LCLAT1: variants seen among roughly 807,000 people sequenced by gnomAD.
The protein encoded by LCLAT1 is 1-AGP acyltransferase 8.
LCLAT1 carries 11 observed loss-of-function variants against 30.7 expected under a neutral mutation model. The ratio of observed to expected loss-of-function variants is 0.36; its 90% CI spans 0.23 to 0.59. The LOEUF is 0.59. Ranked by LOEUF, LCLAT1 falls within the 20% of genes least tolerant of loss-of-function variation. LCLAT1 has a pLI of 0.77. For missense variants in LCLAT1, 402 were observed against 458.6 expected, an observed-to-expected ratio of 0.88 and a Z score of 1.13; for synonymous variants, 155 against 151.3, an observed-to-expected ratio of 1.02 and a Z score of -0.18.
chr2:30,484,690 T>G (rs1309012037), intron 1 of LCLAT1, among the ~76,000 whole-genome samples: 1 of 152,168 alleles, frequency 6.6e-6, no homozygotes. Context: ...CCATCAAATT[T>G]TAATATGACT....
chr2:30,529,333 TAGATG>T (rs1488392829), intron 2 of LCLAT1, among the ~76,000 whole-genome samples: 1 of 152,224 alleles, frequency 6.6e-6, no homozygotes, highest in Admixed American at 6.5e-5. Context: ...TTTAGAATCT[TAGATG>T]AGACTTAGAG....
chr2:30,481,430 A>G (rs889105604), intron 1 of LCLAT1, among the ~76,000 whole-genome samples: 1 of 151,874 alleles, frequency 6.6e-6, no homozygotes, highest in Non-Finnish European at 1.5e-5. Flanking sequence ...TGGCTGAGTG[A>G]TAGGAAGCCT....
chr2:30,476,465 G>A (rs185097535), intron 1 of LCLAT1: 227 of 456,604 alleles, frequency 5.0e-4, no homozygotes, highest in African/African-American at 3.6e-3. Flanking sequence ...CACTGCATTC[G>A]ATTCTTACAG....
At chr2:30,506,518 G>A (rs12986509) in intron 1 of LCLAT1, among the ~76,000 whole-genome samples, 3 of 152,048 alleles carry the variant, frequency 2.0e-5, no homozygotes, top group East Asian at 1.9e-4. Context: ...TAAAAGACAC[G>A]TGATAATGCT....
chr2:30,558,660 C>G (rs1233842787), intron 3 of LCLAT1, among the ~76,000 whole-genome samples: 1 of 146,986 alleles, frequency 6.8e-6, no homozygotes, highest in Non-Finnish European at 1.5e-5. Context: ...ATCACAACTA[C>G]TACACATGAA....
chr2:30,598,264 C>G (rs1319373083), intron 5 of LCLAT1, among the ~76,000 whole-genome samples: 2 of 152,208 alleles, frequency 1.3e-5, no homozygotes, highest in South Asian at 2.1e-4. Flanking sequence ...GTAAATCTGT[C>G]TGGTCCTGGG....
intron 5 of LCLAT1, among the ~76,000 whole-genome samples, chr2:30,577,013 T>G (rs1291323302): frequency 6.6e-6 from 1 of 151,574 alleles, no homozygotes; most frequent in African/African-American, 2.4e-5. Context: ...TTATTAATGT[T>G]GAAAATTATT....
At chr2:30,639,744 C>G (rs1181902227) in intron 5 of LCLAT1, among the ~76,000 whole-genome samples, 3 of 152,112 alleles carry the variant, frequency 2.0e-5, no homozygotes, top group African/African-American at 4.8e-5. Flanking sequence ...GGAGAGATGG[C>G]TATATTAATA....
chr2:30,530,122 A>G (rs933110157), intron 2 of LCLAT1, among the ~76,000 whole-genome samples: 1 of 152,238 alleles, frequency 6.6e-6, no homozygotes, highest in African/African-American at 2.4e-5. Flanking sequence ...GAAATCTTTG[A>G]CCAATTAGGT....
At chr2:30,526,108 T>A (rs1382621111) in intron 2 of LCLAT1, among the ~76,000 whole-genome samples, 5 of 152,188 alleles carry the variant, frequency 3.3e-5, no homozygotes, top group African/African-American at 1.2e-4. Context: ...CTGCATGTAT[T>A]TTGCTGTGTT....
chr2:30,515,636 GTTCAC>G (rs752509057), intron 1 of LCLAT1, among the ~76,000 whole-genome samples: 7 of 152,168 alleles, frequency 4.6e-5, no homozygotes, highest in Non-Finnish European at 1.0e-4. Flanking sequence ...ATTATCTACA[GTTCAC>G]TTCTCTATCT....
chr2:30,575,441 A>G (rs770067713), intron 5 of LCLAT1, among the ~76,000 whole-genome samples: 1 of 152,134 alleles, frequency 6.6e-6, no homozygotes, highest in Non-Finnish European at 1.5e-5. Context: ...GCATACACAC[A>G]TATGCACATC....
rs1377251772 is a variant in LCLAT1, at chr2:30,640,361, A to G, written c.873A>G (p.Gly291=). Residue 291 remains glycine (G), a synonymous_variant, in exon 6 of 6, where the codon GGA becomes GGG. Coordinates refer to ENST00000379509, the MANE Select transcript of LCLAT1 (RefSeq NM_001002257.3). ...GGGAGAAGAATTTTTATTTTACCGG[A>G]CAGAGTGTCATTCCACCTTGCAAGT... is the stretch of plus-strand genomic sequence containing the variant. ...YQGEKNFYFT[G]QSVIPPCKSE... is the part of the protein sequence containing the mutation. The G allele has an allele frequency of 1.2e-6, 2 of 1,614,104 alleles. No individual in the cohort carries two copies. The highest frequency in any genetic ancestry group is 1.7e-6 in the Non-Finnish European group (2 of 1,180,048).
intron 5 of LCLAT1, among the ~76,000 whole-genome samples, chr2:30,604,727 A>T (rs900618617): frequency 3.3e-5 from 5 of 151,778 alleles, no homozygotes; most frequent in Non-Finnish European, 7.4e-5. Context: ...ACACAGGTGG[A>T]ATGGGTCCAT....
intron 1 of LCLAT1, among the ~76,000 whole-genome samples, chr2:30,468,729 A>G (rs891981134): frequency 3.9e-5 from 6 of 152,160 alleles, no homozygotes; most frequent in Non-Finnish European, 5.9e-5. Context: ...GTCTGCTTTC[A>G]TTTCTATGGA....
chr2:30,631,119 G>A (rs1668748442), intron 5 of LCLAT1, among the ~76,000 whole-genome samples: 1 of 152,144 alleles, frequency 6.6e-6, no homozygotes. Flanking sequence ...TTAGCAATAG[G>A]TTATGTTTAA....
At chr2:30,519,827 A>C (rs1685386975) in intron 1 of LCLAT1, among the ~76,000 whole-genome samples, 1 of 152,118 alleles carries the variant, frequency 6.6e-6, no homozygotes, top group Non-Finnish European at 1.5e-5. Flanking sequence ...TCTTGGAACC[A>C]CACACTCTTC....
chr2:30,504,215 CAT>C (rs756506474), intron 1 of LCLAT1, among the ~76,000 whole-genome samples: 6 of 151,762 alleles, frequency 4.0e-5, no homozygotes, highest in Non-Finnish European at 7.4e-5. Context: ...CATAACATAA[CAT>C]ATATTACATG....
Position 30,545,254 on chromosome 2 carries a change from C to T in LCLAT1, c.364+11940C>T, listed in dbSNP as rs1005169150. Among the ~76,000 whole-genome samples the T allele has an allele frequency of 3.9e-5, 6 of 152,184 alleles. 1 individual carries two copies. In the South Asian group the frequency reaches 8.3e-4, roughly 21 times the overall value. On this transcript the variant is annotated intron_variant, in intron 3 of 5. Coordinates refer to ENST00000379509, the MANE Select transcript of LCLAT1 (RefSeq NM_001002257.3). ...ATGATAGGAAAAAGAATGGCTGCAT[C>T]GTAGTGGTCAACTATATACTGTTTG...
Sources: allele counts gnomAD v4.1 joint callset (sites outside exome capture counted in the v4.1 genomes callset), GRCh38; gene constraint gnomAD v4.1.1; transcripts MANE v1.5; gene names NCBI Gene and HGNC (gene_info 2026-07-23, HGNC 2026-07-21).